The following DGKI variants were observed in gnomAD, a reference collection of about 807,000 sequenced individuals.
DGKI encodes diacylglycerol kinase iota, also known as DAG kinase iota.
In DGKI, 55 loss-of-function variants were observed where a neutral mutation model predicts 147.5. The observed-to-expected ratio is 0.37, with a 90% CI of 0.30 to 0.47. The LOEUF is 0.47. Ranked by LOEUF, DGKI falls within the 20% of genes least tolerant of loss-of-function variation. DGKI has a pLI of 1.00. For missense variants in DGKI, 1,007 were observed against 1,323.8 expected (o/e 0.76, Z 3.71); for synonymous variants, 469 against 477.1 (o/e 0.98, Z 0.22).
chr7:137,525,350 G>A (rs547564937), intron 20 of DGKI, among the ~76,000 whole-genome samples: 122 of 152,210 alleles, frequency 8.0e-4, no homozygotes, highest in Middle Eastern at 3.4e-3. Flanking sequence ...TCTTCTGGGC[G>A]GGGTATCTGT....
At chr7:137,678,131 C>T (rs1021603148) in intron 3 of DGKI, among the ~76,000 whole-genome samples, 1 of 152,114 alleles carries the variant, frequency 6.6e-6, no homozygotes, top group East Asian at 1.9e-4. Context: ...AGGTGTTTCC[C>T]TCTCTTTCCA....
At chr7:137,824,951 G>C (rs1161913387) in intron 1 of DGKI, among the ~76,000 whole-genome samples, 2 of 152,132 alleles carry the variant, frequency 1.3e-5, no homozygotes, top group Admixed American at 6.5e-5. Context: ...TCTTTATCCA[G>C]TCTATCATTT....
chr7:137,476,187 C>T (rs34395849), intron 23 of DGKI, among the ~76,000 whole-genome samples: 29,200 of 152,082 alleles, frequency 0.19, 4,162 homozygotes, highest in African/African-American at 0.4. Context: ...GTTCATTCCT[C>T]CCTACTCTTA....
intron 1 of DGKI, among the ~76,000 whole-genome samples, chr7:137,788,978 T>C (rs1796763432): frequency 6.6e-6 from 1 of 152,216 alleles, no homozygotes. Flanking sequence ...AATTGCTCAA[T>C]AAGTATTTGT....
intron 3 of DGKI, among the ~76,000 whole-genome samples, chr7:137,672,910 T>C (rs1213808717): frequency 2.6e-5 from 4 of 151,230 alleles, no homozygotes; most frequent in South Asian, 4.2e-4. Context: ...CCTCCTGTAA[T>C]GCCGCCGGGA....
intron 28 of DGKI, among the ~76,000 whole-genome samples, chr7:137,416,379 A>G (rs976856153): frequency 3.9e-5 from 6 of 152,234 alleles, no homozygotes; most frequent in African/African-American, 1.4e-4. Context: ...TTAACAAAGA[A>G]GCTTTGAAAA....
rs1237129344 is a variant in DGKI at position 137,596,030 on chromosome 7, A to AAAG, written c.1311+1816_1311+1817insCTT. ...AAAAAAAAAAAAAAAAAAAAAAAAA[A>AAAG]AAAGAAAGAAAGAAAAGAAAAGGAA... On this transcript the variant is annotated intron_variant, in intron 12 of 32. Transcript: ENST00000614521. 3.8e-5 allele frequency among the ~76,000 whole-genome samples: 5 copies of AAAG among 132,882 alleles called. No homozygotes were observed. The East Asian group carries it at 1.0e-3, about 28-fold the overall frequency. 87.2% of individuals were successfully genotyped at this position (132,882 alleles called of 152,430 possible).
At chr7:137,401,162 C>T (rs1054756448) in intron 30 of DGKI, among the ~76,000 whole-genome samples, 4 of 152,094 alleles carry the variant, frequency 2.6e-5, no homozygotes, top group Non-Finnish European at 5.9e-5. Flanking sequence ...AACAATAACA[C>T]CTGTGATTTT....
chr7:137,433,756 T>C (rs1813172936), intron 28 of DGKI, among the ~76,000 whole-genome samples: 2 of 152,256 alleles, frequency 1.3e-5, no homozygotes, highest in South Asian at 4.1e-4. Flanking sequence ...AAATGAAATC[T>C]ATGATCTCTT....
intron 21 of DGKI, among the ~76,000 whole-genome samples, chr7:137,494,632 C>T (rs1356790241): frequency 2.6e-5 from 4 of 152,114 alleles, no homozygotes; most frequent in Non-Finnish European, 5.9e-5. Context: ...TAAGAGAATT[C>T]ATTACCACCA....
intron 12 of DGKI, among the ~76,000 whole-genome samples, chr7:137,587,462 C>T (rs769445387): frequency 1.1e-4 from 17 of 152,118 alleles, no homozygotes; most frequent in African/African-American, 3.1e-4. Context: ...TTCATGCGTG[C>T]GTTTAACTAG....
intron 1 of DGKI, among the ~76,000 whole-genome samples, chr7:137,800,069 T>C (rs1797150542): frequency 6.6e-6 from 1 of 152,040 alleles, no homozygotes; most frequent in Admixed American, 6.5e-5. Context: ...ACCAGGACCT[T>C]TTAAGGAGAA....
intron 1 of DGKI, among the ~76,000 whole-genome samples, chr7:137,776,811 A>G (rs1164797466): frequency 1.3e-5 from 2 of 152,148 alleles, no homozygotes; most frequent in Admixed American, 6.6e-5. Flanking sequence ...AGAGGCTCAA[A>G]GCAAAAATGG....
intron 24 of DGKI, among the ~76,000 whole-genome samples, chr7:137,467,307 T>C (rs773460906): frequency 1.1e-4 from 17 of 152,230 alleles, no homozygotes; most frequent in Non-Finnish European, 2.4e-4. Context: ...ACAGACTATC[T>C]TCACAGATAA....
chr7:137,459,342 G>A (rs1452925953), intron 27 of DGKI, among the ~76,000 whole-genome samples: 2 of 152,038 alleles, frequency 1.3e-5, no homozygotes, highest in Admixed American at 1.3e-4. Flanking sequence ...AATGCCCTGG[G>A]TGCCTTGGAG....
At chr7:137,808,521 G>A (rs1054748216) in intron 1 of DGKI, among the ~76,000 whole-genome samples, 5 of 152,126 alleles carry the variant, frequency 3.3e-5, no homozygotes, top group African/African-American at 1.2e-4. Flanking sequence ...ACCAAACTCG[G>A]TTCAAATCTG....
In DGKI at chr7:137,679,404, G is replaced by GT. The variant is rs71652786; in HGVS notation, c.511-753dup. ...TATTGGGGAAAGGGGGAAGCAAACT[G>GT]TTTTTTTTTTTTTTTAATCGTACGA... is the stretch of plus-strand genomic sequence containing the variant. On this transcript the variant is annotated intron_variant, in intron 2 of 32. Coordinates refer to ENST00000614521, the MANE Select transcript of DGKI (RefSeq NM_001321708.2). Among the ~76,000 whole-genome samples, 458 of 127,500 alleles carry GT rather than the reference G, an allele frequency of 3.6e-3. 1 individual carries two copies. Among genetic ancestry groups the GT allele is most frequent in the African/African-American group, 6.3e-3 (222 of 35,106 alleles). 83.6% of individuals were successfully genotyped at this position (127,500 alleles called of 152,430 possible).
intron 21 of DGKI, among the ~76,000 whole-genome samples, chr7:137,509,841 A>G (rs1260659074): frequency 6.6e-6 from 1 of 152,200 alleles, no homozygotes; most frequent in African/African-American, 2.4e-5. Flanking sequence ...AGCCCAGCCC[A>G]CAACCCCTCA....
chr7:137,740,054 C>A (rs1795133427), intron 1 of DGKI, among the ~76,000 whole-genome samples: 1 of 152,174 alleles, frequency 6.6e-6, no homozygotes, highest in Non-Finnish European at 1.5e-5. Context: ...AGCTAGTCAA[C>A]CTACCACTGT....
Sources: allele counts gnomAD v4.1 joint callset (sites outside exome capture counted in the v4.1 genomes callset), GRCh38; gene constraint gnomAD v4.1.1; transcripts MANE v1.5; gene names NCBI Gene and HGNC (gene_info 2026-07-23, HGNC 2026-07-21).